NLRC4: variants seen among roughly 807,000 people sequenced by gnomAD.
NLRC4 encodes the protein NLR family CARD domain containing 4, also known as NLR family CARD domain-containing protein 4.
NLRC4 carries 63 observed loss-of-function variants against 79.9 expected under a neutral mutation model. That is an observed-to-expected ratio of 0.79 (90% CI 0.64 to 0.97). The LOEUF (loss-of-function observed/expected upper bound fraction) is 0.97. Among genes scored for constraint, NLRC4 ranks in the 50% least tolerant of loss-of-function variants. NLRC4 has a pLI of 0.00. For missense variants in NLRC4, 1,074 were observed against 1,215.2 expected, an observed-to-expected ratio of 0.88 and a Z score of 1.73; for synonymous variants, 461 against 456.5, an observed-to-expected ratio of 1.01 and a Z score of -0.12.
At chr2:32,233,415 C>T (rs1271951100) in intron 8 of NLRC4, among the ~76,000 whole-genome samples, 1 of 133,560 alleles carries the variant, frequency 7.5e-6, no homozygotes, top group African/African-American at 2.8e-5. Context: ...TGGTTTCAAA[C>T]TTCTGGGCTC....
chr2:32,261,477 A>C (rs1407340355), intron 1 of NLRC4, among the ~76,000 whole-genome samples: 1 of 148,652 alleles, frequency 6.7e-6, no homozygotes, highest in South Asian at 2.2e-4. Context: ...TCACCCAGCT[A>C]ATTTTTGTAT....
chr2:32,254,611 T>G, intron 2 of NLRC4, among the ~76,000 whole-genome samples: 1 of 131,902 alleles, frequency 7.6e-6, no homozygotes, highest in Admixed American at 8.3e-5. Flanking sequence ...AGGCTGCTCC[T>G]GGTTTTTTTT....
Position 32,236,239 on chromosome 2 carries a change from A to C in NLRC4, c.2614+8T>G. The C allele has an allele frequency of 6.4e-7, 1 of 1,560,034 alleles. No individual in the cohort carries two copies. ...AGTATCTAATTTTGGCTGAATTGTC[A>C]TTCTTACTCAGTTCATGAAGAGCTT... On this transcript the variant is annotated splice_region_variant and intron_variant, in intron 7 of 8. Coordinates refer to ENST00000402280, the MANE Select transcript of NLRC4 (RefSeq NM_001199138.2).
At chr2:32,246,345 A>G (rs1686936483) in intron 4 of NLRC4, among the ~76,000 whole-genome samples, 1 of 152,256 alleles carries the variant, frequency 6.6e-6, no homozygotes, top group South Asian at 2.1e-4. Flanking sequence ...TTCCTGACAC[A>G]GAAGGTAGTC....
intron 1 of NLRC4, among the ~76,000 whole-genome samples, chr2:32,257,784 A>G (rs1687243166): frequency 6.6e-6 from 1 of 151,946 alleles, no homozygotes. Context: ...GGTGTGGCTC[A>G]CTTCTTCAGT....
At chr2:32,234,331 A>C (rs1404545958) in intron 8 of NLRC4, among the ~76,000 whole-genome samples, 1 of 152,074 alleles carries the variant, frequency 6.6e-6, no homozygotes, top group Admixed American at 6.5e-5. Context: ...GCAGTGAGCT[A>C]AGATTGCGCA....
chr2:32,254,433 G>A (rs1019121237), intron 2 of NLRC4, among the ~76,000 whole-genome samples: 1 of 151,836 alleles, frequency 6.6e-6, no homozygotes, highest in Admixed American at 6.6e-5. Context: ...GCCAGGTCTT[G>A]AGGGTAGCTG....
intron 8 of NLRC4, among the ~76,000 whole-genome samples, chr2:32,226,848 C>G (rs1686411388): frequency 6.6e-6 from 1 of 151,902 alleles, no homozygotes; most frequent in Admixed American, 6.6e-5. Flanking sequence ...CCATTGCACT[C>G]CAGCCTGGGT....
intron 1 of NLRC4, 28 bp downstream of exon 1, chr2:32,264,710 A>C (rs1335705622): frequency 6.6e-6 from 1 of 152,092 alleles, no homozygotes; most frequent in African/African-American, 2.4e-5. Flanking sequence ...CCAGACCTTA[A>C]AAATCCCATT....
chr2:32,226,878 CAA>C (rs376301282), intron 8 of NLRC4, among the ~76,000 whole-genome samples: 1 of 142,062 alleles, frequency 7.0e-6, no homozygotes, highest in African/African-American at 2.6e-5. Context: ...AACTCCATTT[CAA>C]AAAAAAAAAG....
intron 2 of NLRC4, among the ~76,000 whole-genome samples, chr2:32,253,134 C>T (rs1280559914): frequency 6.6e-6 from 1 of 152,068 alleles, no homozygotes; most frequent in Non-Finnish European, 1.5e-5. Flanking sequence ...AATTCCAGGC[C>T]TTCAAGAAAT....
chr2:32,261,316 C>CCCCTTGTTTTTTTTTTTTTTTTTTTTTT, intron 1 of NLRC4, among the ~76,000 whole-genome samples: 1 of 96,884 alleles, frequency 1.0e-5, no homozygotes, highest in Non-Finnish European at 2.1e-5. Flanking sequence ...AGCCTCCCCC[C>CCCCTTGTTTTTTTTTTTTTTTTTTTTTT]TTTTGTTTTT....
At chr2:32,248,120 C>G (rs1485305899) in intron 4 of NLRC4, among the ~76,000 whole-genome samples, 1 of 152,110 alleles carries the variant, frequency 6.6e-6, no homozygotes, top group Non-Finnish European at 1.5e-5. Context: ...CAAAACTGCA[C>G]TTGTACCCCC....
intron 1 of NLRC4, among the ~76,000 whole-genome samples, chr2:32,258,993 A>G (rs900520122): frequency 1.4e-4 from 21 of 152,158 alleles, no homozygotes; most frequent in African/African-American, 4.1e-4. Flanking sequence ...CTGGGTGGAG[A>G]GAAACAAAAT....
intron 1 of NLRC4, among the ~76,000 whole-genome samples, chr2:32,262,499 G>C (rs902660980): frequency 6.6e-6 from 1 of 152,160 alleles, no homozygotes; most frequent in African/African-American, 2.4e-5. Context: ...TGTGGACCAG[G>C]CGTGGTGGTT....
chr2:32,240,168 A>G (rs934667028), intron 5 of NLRC4, among the ~76,000 whole-genome samples: 6 of 151,928 alleles, frequency 3.9e-5, no homozygotes, highest in African/African-American at 1.2e-4. Flanking sequence ...TTTAGTAGAG[A>G]CAGGGTTTCA....
intron 6 of NLRC4, among the ~76,000 whole-genome samples, chr2:32,237,603 T>C (rs1041432093): frequency 7.9e-5 from 12 of 152,228 alleles, no homozygotes; most frequent in African/African-American, 2.2e-4. Flanking sequence ...TTTTAAAATA[T>C]GTCTGAATTA....
intron 1 of NLRC4, among the ~76,000 whole-genome samples, chr2:32,259,716 G>T (rs751875877): frequency 5.3e-5 from 8 of 152,034 alleles, no homozygotes; most frequent in Non-Finnish European, 1.2e-4. Context: ...CCCCTTCCCA[G>T]TCAAATTCCA....
intron 8 of NLRC4, among the ~76,000 whole-genome samples, chr2:32,227,975 C>T (rs1390312441): frequency 6.6e-6 from 1 of 152,210 alleles, no homozygotes; most frequent in African/African-American, 2.4e-5. Flanking sequence ...ATCCCAAACA[C>T]AACTCTTCAT....
Sources: allele counts gnomAD v4.1 joint callset (sites outside exome capture counted in the v4.1 genomes callset), GRCh38; gene constraint gnomAD v4.1.1; transcripts MANE v1.5; gene names NCBI Gene and HGNC (gene_info 2026-07-23, HGNC 2026-07-21).